The following RABGAP1 variants were observed in gnomAD, a reference collection of about 807,000 sequenced individuals.
The protein encoded by RABGAP1 is rab GTPase-activating protein 1.
Under a neutral mutation model 137.6 loss-of-function variants are expected in RABGAP1, and 23 were observed. That is an observed-to-expected ratio of 0.17 (90% CI 0.12 to 0.24). The LOEUF (loss-of-function observed/expected upper bound fraction) is 0.24. RABGAP1 is among the 10% of genes least tolerant of loss of function. RABGAP1 has a pLI of 1.00. For synonymous variants in RABGAP1, 451 were observed against 450.7 expected, an observed-to-expected ratio of 1.00 and a Z score of -0.01; for missense variants, 906 against 1,275.8, an observed-to-expected ratio of 0.71 and a Z score of 4.42.
At chr9:123,090,037 G>C (rs2034989251) in intron 20 of RABGAP1, among the ~76,000 whole-genome samples, 187 bp downstream of exon 20, 1 of 152,194 alleles carries the variant, frequency 6.6e-6, no homozygotes, top group Non-Finnish European at 1.5e-5. Context: ...TTACAGTTCA[G>C]TGGCTTTTCG....
Position 123,061,681 on chromosome 9 carries a change from C to CAAACA in RABGAP1, c.1795-3645_1795-3641dup, listed in dbSNP as rs539339294. Among the ~76,000 whole-genome samples, 747 of 152,206 alleles carry CAAACA rather than the reference C, an allele frequency of 4.9e-3. 6 individuals are homozygous for CAAACA. The highest frequency in any genetic ancestry group is 0.017 in the African/African-American group (687 of 41,544). Reference sequence around the variant, plus strand: ...TAGCCAAAACACAAAACCAGTTGATCAAACAAAACAAAACAAAACAAAACA... The same window carrying CAAACA: ...TAGCCAAAACACAAAACCAGTTGATCAAACAAAACAAAACAAAACAAAACAAAACA... On this transcript the variant is annotated intron_variant, in intron 13 of 25. Transcript: ENST00000373647.
Position 122,963,841 on chromosome 9 carries a change from A to G in RABGAP1, c.150+6632A>G, listed in dbSNP as rs144292963. 3.5e-3 allele frequency among the ~76,000 whole-genome samples: 527 copies of G among 152,340 alleles called. 1 individual carries two copies. Among genetic ancestry groups the G allele is most frequent in the African/African-American group, 0.012 (507 of 41,584 alleles). On this transcript the variant is annotated intron_variant, in intron 2 of 25. Coordinates refer to ENST00000373647, the MANE Select transcript of RABGAP1 (RefSeq NM_012197.4). The stretch of plus-strand genomic sequence containing the variant: ...CAAAAATTGATTCTTTGAAAATACC[A>G]ACAAAATTGACAAAACTTTAATTAG...
chr9:123,028,182 C>G (rs1364766929), intron 13 of RABGAP1, among the ~76,000 whole-genome samples: 2 of 152,182 alleles, frequency 1.3e-5, no homozygotes, highest in Non-Finnish European at 2.9e-5. Context: ...TGGGGTTTTA[C>G]TTGAAAGATC....
chr9:123,087,398 A>G (rs981600153), intron 19 of RABGAP1, among the ~76,000 whole-genome samples: 4 of 152,098 alleles, frequency 2.6e-5, no homozygotes, highest in African/African-American at 7.2e-5. Flanking sequence ...CCTTCCTCTC[A>G]TTTATTCAGA....
At chr9:123,045,094 T>A in intron 13 of RABGAP1, among the ~76,000 whole-genome samples, 1 of 152,368 alleles carries the variant, frequency 6.6e-6, no homozygotes, top group East Asian at 1.9e-4. Flanking sequence ...GAATTAGCTT[T>A]GAGCAAAATA....
chr9:123,027,635 C>T (rs2032055551), intron 13 of RABGAP1, among the ~76,000 whole-genome samples: 1 of 152,104 alleles, frequency 6.6e-6, no homozygotes, highest in African/African-American at 2.4e-5. Flanking sequence ...ATCGATTTAG[C>T]AAAAAAGAAT....
chr9:123,090,480 C>T lies in RABGAP1; in HGVS notation c.2628+95C>T, dbSNP rs2035002218. On this transcript the variant is annotated intron_variant, in intron 21 of 25. Coordinates refer to ENST00000373647, the MANE Select transcript of RABGAP1 (RefSeq NM_012197.4). ...GGAATTTTAGTGATTGTTATTCTAG[C>T]CACCTGTAAAGTTTCCCGCTTGTGA... 6 of 1,023,524 alleles carry T rather than the reference C, an allele frequency of 5.9e-6. No individual in the cohort carries two copies. The East Asian group carries it at 1.4e-4, about 24-fold the overall frequency. The allele number at this position is 1,023,524 out of a possible 1,614,324, so 63.4% of individuals were successfully genotyped here. A position where few individuals can be genotyped will look rare whatever the true frequency, so the allele number is the denominator to read the frequency against.
At chr9:122,976,217 T>C (rs1042230199) in intron 2 of RABGAP1, among the ~76,000 whole-genome samples, 1 of 152,242 alleles carries the variant, frequency 6.6e-6, no homozygotes, top group South Asian at 2.1e-4. Context: ...TGTTTATTGT[T>C]TTCCTTAACA....
chr9:122,971,128 A>G (rs1835448136), intron 2 of RABGAP1, among the ~76,000 whole-genome samples: 2 of 152,240 alleles, frequency 1.3e-5, no homozygotes, highest in South Asian at 4.1e-4. Flanking sequence ...CTCAGGGGCT[A>G]CTTCCTAACT....
At chr9:123,042,340 C>T (rs938399281) in intron 13 of RABGAP1, among the ~76,000 whole-genome samples, 2 of 152,058 alleles carry the variant, frequency 1.3e-5, no homozygotes, top group Non-Finnish European at 2.9e-5. Context: ...AACAGACAGC[C>T]AGAGATAATT....
At chr9:123,065,603 T>A in intron 14 of RABGAP1, 142 bp downstream of exon 14, 1 of 680,134 alleles carries the variant, frequency 1.5e-6, no homozygotes, top group Non-Finnish European at 2.6e-6. Flanking sequence ...AAGTCAAAGG[T>A]GAGAACACAA....
intron 13 of RABGAP1, among the ~76,000 whole-genome samples, chr9:123,033,138 C>T (rs186805367): frequency 6.6e-6 from 1 of 152,106 alleles, no homozygotes; most frequent in African/African-American, 2.4e-5. Context: ...TCATGAGAGA[C>T]AAAATTAATG....
At chr9:123,101,861 C>T (rs567086913) in intron 25 of RABGAP1, 98 bp downstream of exon 25, 82 of 1,281,938 alleles carry the variant, frequency 6.4e-5, no homozygotes, top group Middle Eastern at 2.7e-4. Context: ...GGTTTTTCCA[C>T]ACCTTTTAAA....
chr9:123,039,873 A>G (rs543610474), intron 13 of RABGAP1, among the ~76,000 whole-genome samples: 27 of 151,152 alleles, frequency 1.8e-4, no homozygotes, highest in African/African-American at 6.2e-4. Context: ...AGCCTTTCCC[A>G]GTTTTCTAGC....
In RABGAP1 at chr9:123,070,323, A is replaced by C. The variant is rs2034314372; in HGVS notation, c.1909-27A>C. On this transcript the variant is annotated intron_variant, in intron 14 of 25. Coordinates refer to ENST00000373647, the MANE Select transcript of RABGAP1 (RefSeq NM_012197.4). The surrounding 1 kb of genome is among the most constrained non-coding windows in gnomAD (Gnocchi z 4.4). Reference sequence around the variant, plus strand: ...CCCACAAGTGGCTACATTCATTTACATTTCCTCTGTGTGTTTTATTTTCCA... The same window carrying C: ...CCCACAAGTGGCTACATTCATTTACCTTTCCTCTGTGTGTTTTATTTTCCA... The C allele has an allele frequency of 6.2e-7, 1 of 1,613,364 alleles. No individual in the cohort carries two copies.
chr9:123,077,916 A>G (rs1311256256), intron 19 of RABGAP1, among the ~76,000 whole-genome samples: 8 of 152,166 alleles, frequency 5.3e-5, no homozygotes, highest in Non-Finnish European at 1.5e-5. Context: ...GAGGCTAAAT[A>G]AAATATACCC....
intron 4 of RABGAP1, 77 bp from the exon 5 acceptor site, chr9:122,989,220 G>A: frequency 3.1e-6 from 4 of 1,293,534 alleles, no homozygotes; most frequent in South Asian, 1.2e-5. Flanking sequence ...GAAAGAATGA[G>A]TCTCACATCT....
At chr9:123,055,565 T>G (rs1016201281) in intron 13 of RABGAP1, among the ~76,000 whole-genome samples, 39 of 149,784 alleles carry the variant, frequency 2.6e-4, no homozygotes, top group Admixed American at 6.6e-4. Flanking sequence ...TTTTTTTTTT[T>G]TGAGATGGAG....
chr9:122,949,227 T>G (rs1364109791), intron 1 of RABGAP1, among the ~76,000 whole-genome samples: 1 of 151,278 alleles, frequency 6.6e-6, no homozygotes, highest in Non-Finnish European at 1.5e-5. Context: ...AATACAAAAA[T>G]TACGGCTGGC....
Sources: allele counts gnomAD v4.1 joint callset (sites outside exome capture counted in the v4.1 genomes callset), GRCh38; gene constraint gnomAD v4.1.1; non-coding constraint Gnocchi (gnomAD v3.1); transcripts MANE v1.5; gene names NCBI Gene and HGNC (gene_info 2026-07-23, HGNC 2026-07-21).